NAB2: variants seen among roughly 807,000 people sequenced by gnomAD.
NAB2 encodes the protein NGFI-A binding protein 2, also known as NGFI-A-binding protein 2.
Under a neutral mutation model 44.2 loss-of-function variants are expected in NAB2, and 9 were observed. The observed-to-expected ratio is 0.20, with a 90% CI of 0.12 to 0.36. NAB2 has a LOEUF of 0.36. Among genes scored for constraint, NAB2 ranks in the 10% least tolerant of loss-of-function variants. The probability of loss-of-function intolerance (pLI) is 1.00; values close to 1 mark genes in which losing one functional copy is unlikely to be tolerated. For synonymous variants in NAB2, 342 were observed against 291.0 expected (o/e 1.18, Z -1.78); for missense variants, 514 against 709.0 (o/e 0.73, Z 3.12).
At chr12:57,089,826 A>T (rs534520879) in intron 1 of NAB2, among the ~76,000 whole-genome samples, 2 of 152,136 alleles carry the variant, frequency 1.3e-5, no homozygotes, top group South Asian at 4.1e-4. Flanking sequence ...TCCTTCCCAT[A>T]TCTGTCCCTT....
At chr12:57,090,735 G>A (rs957182312) in intron 1 of NAB2, among the ~76,000 whole-genome samples, 3 of 152,240 alleles carry the variant, frequency 2.0e-5, no homozygotes, top group African/African-American at 7.2e-5. Context: ...TGAGTGTTTA[G>A]AGGGGAAGGT....
At chr12:57,089,429 A>G (rs1457866608) in intron 1 of NAB2, 75 bp downstream of exon 1, 7 of 440,226 alleles carry the variant, frequency 1.6e-5, no homozygotes, top group East Asian at 1.1e-4. Context: ...CAGAGGGCGG[A>G]GGTCGAGGGG....
Position 57,091,113 on chromosome 12 carries a change from C to T in NAB2, c.84-12C>T. 1.3e-6 allele frequency: 2 copies of T among 1,509,038 alleles called. No homozygotes were observed. Among genetic ancestry groups the T allele is most frequent in the East Asian group, 2.3e-5 (1 of 43,838 alleles). The allele number at this position is 1,509,038 out of a possible 1,614,324, so 93.5% of individuals were successfully genotyped here. On this transcript the variant is annotated splice_polypyrimidine_tract_variant and intron_variant, in intron 1 of 6. Coordinates refer to ENST00000300131, the MANE Select transcript of NAB2 (RefSeq NM_005967.4). The surrounding 1 kb of genome is among the most constrained non-coding windows in gnomAD (Gnocchi z 7.3). ...GCACCGACTGCCTCTCTCTTGTGCC[C>T]CTCCTTCTCAGGCCCAGTGCCCGAG...
chr12:57,093,055 A>G lies in NAB2; in HGVS notation c.1144-8A>G, dbSNP rs1249038617. On this transcript the variant is annotated splice_polypyrimidine_tract_variant and splice_region_variant and intron_variant, in intron 4 of 6. Transcript: ENST00000300131. ...AGGTCTTCATTTCCCCATGTTGGGC[A>G]TCCACAGGTTGGAGAACAGAGTCAC... 5.6e-6 allele frequency: 9 copies of G among 1,613,784 alleles called. No homozygotes were observed. Among genetic ancestry groups the G allele is most frequent in the Non-Finnish European group, 7.6e-6 (9 of 1,179,772 alleles).
intron 1 of NAB2, among the ~76,000 whole-genome samples, chr12:57,090,459 A>C (rs1416921512): frequency 6.6e-6 from 1 of 152,066 alleles, no homozygotes; most frequent in Non-Finnish European, 1.5e-5. Flanking sequence ...CCTGGGTGAC[A>C]GAGCGAGACT....
chr12:57,094,370 A>C lies in NAB2; in HGVS notation c.1469-242A>C, dbSNP rs138012628. ...ACCAGAAATTCCAGCGCAACCGAGGAGGCGGGAGAGAAAGAGAGAGAGACA... is the reference window on the plus strand; with the variant it reads ...ACCAGAAATTCCAGCGCAACCGAGGCGGCGGGAGAGAAAGAGAGAGAGACA... On this transcript the variant is annotated intron_variant, in intron 6 of 6. Transcript: ENST00000300131. Among the ~76,000 whole-genome samples, 951 of 151,626 alleles carry C rather than the reference A, an allele frequency of 6.3e-3. 8 individuals carry two copies. Among genetic ancestry groups the C allele is most frequent in the Admixed American group, 0.01 (157 of 15,246 alleles).
At chr12:57,090,285 C>A (rs867200662) in intron 1 of NAB2, among the ~76,000 whole-genome samples, 2 of 152,152 alleles carry the variant, frequency 1.3e-5, no homozygotes, top group Admixed American at 6.5e-5. Flanking sequence ...GGAATTCGAG[C>A]CCAGCCTGAC....
Position 57,093,389 on chromosome 12 carries a change from C to T in NAB2, c.1277-18C>T, listed in dbSNP as rs957205587. 48 of 1,539,116 alleles carry T rather than the reference C, an allele frequency of 3.1e-5. No homozygotes were observed. The highest frequency in any genetic ancestry group is 4.0e-5 in the Non-Finnish European group (46 of 1,143,866). On this transcript the variant is annotated intron_variant, in intron 5 of 6. Transcript: ENST00000300131. ...CATTGGCTGCAGCCCCTTACCTGAC[C>T]AGTGCCCATGCCCACAGCTGTGGGG... is the stretch of plus-strand genomic sequence containing the variant.
In NAB2 at chr12:57,091,867, C is replaced by A. The variant is rs768207797; in HGVS notation, c.826C>A (p.Arg276=). The stretch of plus-strand genomic sequence containing the variant: ...GCTAAAGCTGAATAAGAAGCTGGCA[C>A]GGAGCGTTGGGCACATCTTTGAGAT... ...SLLKLNKKLA[R]SVGHIFEMDD... Residue 276 remains arginine, a synonymous_variant, in exon 2 of 7, where the codon CGG becomes AGG. Transcript: ENST00000300131. This position sits in a 1 kb window ranked among gnomAD's most constrained non-coding sequence, Gnocchi z 7.3. 2.8e-5 allele frequency: 45 copies of A among 1,614,044 alleles called. No individual in the cohort carries two copies. The highest frequency in any genetic ancestry group is 3.7e-5 in the Non-Finnish European group (44 of 1,180,014).
In NAB2 at chr12:57,094,813, T is replaced by G. The variant is rs1362300689; in HGVS notation, c.*92T>G. 9.2e-7 allele frequency: 1 copy of G among 1,082,080 alleles called. No homozygotes were observed. Among genetic ancestry groups the G allele is most frequent in the Non-Finnish European group, 1.3e-6 (1 of 755,690 alleles). 67.0% of individuals were successfully genotyped at this position (1,082,080 alleles called of 1,614,324 possible). On this transcript the variant is annotated 3_prime_UTR_variant, in exon 7 of 7. Transcript: ENST00000300131. The stretch of plus-strand genomic sequence containing the variant: ...CATCCCCGGAATCTAGTCACAACCC[T>G]GGATCCTTCCTCTGCCCTTCTCCTG...
chr12:57,092,629 A>G, intron 3 of NAB2, 48 bp downstream of exon 3: 1 of 1,605,048 alleles, frequency 6.2e-7, no homozygotes, highest in Non-Finnish European at 8.5e-7. Context: ...CCTGCTATGG[A>G]GTTAGATCAT....
Position 57,091,200 on chromosome 12 carries a change from C to A in NAB2, c.159C>A (p.Asn53Lys). 1.3e-6 allele frequency: 2 copies of A among 1,567,326 alleles called. No homozygotes were observed. Among genetic ancestry groups the A allele is most frequent in the Non-Finnish European group, 1.7e-6 (2 of 1,152,140 alleles). ...LQLYRVLQRA[N>K]LLSYYETFIQ... ...TGTACCGGGTCCTGCAGCGCGCCAA[C>A]CTCCTTTCCTACTATGAGACCTTCA... Residue 53 changes from asparagine to lysine, a missense_variant, in exon 2 of 7, where the codon AAC (asparagine) becomes AAA (lysine). Physicochemically the swap from Asn to Lys is moderately conservative, Grantham distance 94 (BLOSUM62 0). Around this residue, in one of 5 missense-constraint regions of NAB2, gnomAD observed 34 missense variants for 130.5 expected, o/e 0.26. Coordinates refer to ENST00000300131, the MANE Select transcript of NAB2 (RefSeq NM_005967.4). The surrounding 1 kb of genome is among the most constrained non-coding windows in gnomAD (Gnocchi z 7.3).
Position 57,094,684 on chromosome 12 carries a change from G to A in NAB2, c.1541G>A (p.Ser514Asn), listed in dbSNP as rs2033302861. 1.3e-6 allele frequency: 2 copies of A among 1,554,668 alleles called. No individual in the cohort carries two copies. The highest frequency in any genetic ancestry group is 1.4e-5 in the African/African-American group (1 of 73,312). ...CCCGCGCTGGTGGAGGGTCGCAGGA[G>A]CAGCGTGAAAGTGGAGGCTGAGGCC... ...PHPALVEGRR[S>N]SVKVEAEASR... is the part of the protein sequence containing the mutation. The change falls in exon 7 of 7, where the codon AGC becomes AAC. Residue 514 changes from serine to asparagine, a missense_variant. Around this residue, in one of 5 missense-constraint regions of NAB2, gnomAD observed 194 missense variants for 223.9 expected, o/e 0.87. Transcript: ENST00000300131.
rs1384582851 is a variant in NAB2 at position 57,091,128 on chromosome 12, CAG to C, written c.88_89del (p.Ser30CysfsTer29). 1 of 1,513,258 alleles carries C rather than the reference CAG, an allele frequency of 6.6e-7. No individual in the cohort carries two copies. 93.7% of individuals were successfully genotyped at this position (1,513,258 alleles called of 1,614,324 possible). On this transcript the variant is annotated frameshift_variant, in exon 2 of 7. Transcript: ENST00000300131. LOFTEE classifies it high-confidence loss of function. This position sits in a 1 kb window ranked among gnomAD's most constrained non-coding sequence, Gnocchi z 7.3. ...CTCTTGTGCCCCTCCTTCTCAGGCC[CAG>C]TGCCCGAGCCATGGCACTGCCTCGG... The part of the protein sequence containing the change: ...RRTLQPRLKP[S>X]ARAMALPRTL...
At chr12:57,089,732 C>T (rs981826473) in intron 1 of NAB2, among the ~76,000 whole-genome samples, 1 of 151,212 alleles carries the variant, frequency 6.6e-6, no homozygotes. Flanking sequence ...GCACGGAGCG[C>T]GCGGGCCCCC....
chr12:57,094,971 T>G lies in NAB2; in HGVS notation c.*250T>G, dbSNP rs1481135556. On this transcript the variant is annotated 3_prime_UTR_variant, in exon 7 of 7. Transcript: ENST00000300131. Reference sequence around the variant, plus strand: ...AGAGCGAGGGGGCAAGGACTCTGCCTCCAGGGCATCTGGGGTTTTCCCCTC... The same window carrying G: ...AGAGCGAGGGGGCAAGGACTCTGCCGCCAGGGCATCTGGGGTTTTCCCCTC... The G allele has an allele frequency of 1.9e-6, 1 of 514,736 alleles. No homozygotes were observed. Among genetic ancestry groups the G allele is most frequent in the Non-Finnish European group, 3.5e-6 (1 of 289,492 alleles). 31.9% of individuals were successfully genotyped at this position (514,736 alleles called of 1,614,324 possible). A position where few individuals can be genotyped will look rare whatever the true frequency, so the allele number is the denominator to read the frequency against.
In NAB2 at chr12:57,094,816, A is replaced by G; in HGVS notation, c.*95A>G. The G allele has an allele frequency of 9.6e-7, 1 of 1,042,618 alleles. No individual in the cohort carries two copies. Among genetic ancestry groups the G allele is most frequent in the Non-Finnish European group, 1.4e-6 (1 of 720,972 alleles). 64.6% of individuals were successfully genotyped at this position (1,042,618 alleles called of 1,614,324 possible). A position where few individuals can be genotyped will look rare whatever the true frequency, so the allele number is the denominator to read the frequency against. ...CCCCGGAATCTAGTCACAACCCTGG[A>G]TCCTTCCTCTGCCCTTCTCCTGCCT... is the stretch of plus-strand genomic sequence containing the variant. On this transcript the variant is annotated 3_prime_UTR_variant, in exon 7 of 7. Coordinates refer to ENST00000300131, the MANE Select transcript of NAB2 (RefSeq NM_005967.4).
chr12:57,090,719 G>A (rs1396755829), intron 1 of NAB2, among the ~76,000 whole-genome samples: 1 of 152,234 alleles, frequency 6.6e-6, no homozygotes, highest in Non-Finnish European at 1.5e-5. Flanking sequence ...TCAGTGTTGA[G>A]ACTGCTGAGT....
In NAB2 at chr12:57,089,251, C is replaced by T. The variant is rs935193323; in HGVS notation, c.-21C>T. 4 of 1,563,296 alleles carry T rather than the reference C, an allele frequency of 2.6e-6. No individual in the cohort carries two copies. Among genetic ancestry groups the T allele is most frequent in the Admixed American group, 1.9e-5 (1 of 52,356 alleles). On this transcript the variant is annotated 5_prime_UTR_variant, in exon 1 of 7. Coordinates refer to ENST00000300131, the MANE Select transcript of NAB2 (RefSeq NM_005967.4). ...AGCGCCGGGCACCGAGAAGGGCAGC[C>T]CGGGTGATCTCCGGCCGTCCATGCA...
Sources: gnomAD v4.1 joint callset for allele counts (sites outside exome capture counted in the v4.1 genomes callset) on GRCh38, gnomAD v4.1.1 for gene constraint, gnomAD v4.1.1 regional missense constraint, Gnocchi (gnomAD v3.1) non-coding constraint, MANE v1.5 for transcripts, NCBI Gene and HGNC (gene_info 2026-07-23, HGNC 2026-07-21) for gene names.